NTNG1: variants seen among roughly 807,000 people sequenced by gnomAD.
NTNG1 encodes netrin G1.
In NTNG1, 16 loss-of-function variants were observed where a neutral mutation model predicts 54.0. That is an observed-to-expected ratio of 0.30 (90% CI 0.20 to 0.45). NTNG1 has a LOEUF of 0.45. Among genes scored for constraint, NTNG1 ranks in the 20% least tolerant of loss-of-function variants. NTNG1 has a pLI of 1.00. For synonymous variants in NTNG1, 255 were observed against 263.1 expected (o/e 0.97, Z 0.30); for missense variants, 530 against 678.7 (o/e 0.78, Z 2.43).
chr1:107,392,474 G>A (rs1197225626), intron 3 of NTNG1, among the ~76,000 whole-genome samples: 1 of 152,056 alleles, frequency 6.6e-6, no homozygotes, highest in Non-Finnish European at 1.5e-5. Flanking sequence ...GTAGTCAACA[G>A]GCTGAAGAGG....
chr1:107,296,445 G>A (rs1488773678), intron 2 of NTNG1, among the ~76,000 whole-genome samples: 1 of 151,754 alleles, frequency 6.6e-6, no homozygotes, highest in Admixed American at 6.6e-5. Flanking sequence ...GAAAAAGACA[G>A]TTTTTAATCA....
chr1:107,413,857 C>G (rs1250909836), intron 5 of NTNG1, among the ~76,000 whole-genome samples: 6 of 152,078 alleles, frequency 3.9e-5, no homozygotes, highest in African/African-American at 1.4e-4. Context: ...TCTACCATGA[C>G]ATTAGAATTG....
intron 3 of NTNG1, among the ~76,000 whole-genome samples, chr1:107,347,453 C>T (rs922968329): frequency 2.0e-5 from 3 of 152,012 alleles, no homozygotes; most frequent in South Asian, 2.1e-4. Context: ...TGATTGAGGC[C>T]GCAGTGAGCC....
intron 2 of NTNG1, among the ~76,000 whole-genome samples, chr1:107,311,743 T>A (rs1229948071): frequency 6.6e-6 from 1 of 152,178 alleles, no homozygotes; most frequent in Non-Finnish European, 1.5e-5. Flanking sequence ...TCATTAAAAA[T>A]GTTTGCACAC....
At chr1:107,406,576 T>A (rs1192082951) in intron 4 of NTNG1, among the ~76,000 whole-genome samples, 1 of 152,092 alleles carries the variant, frequency 6.6e-6, no homozygotes, top group Non-Finnish European at 1.5e-5. Flanking sequence ...CTGAGTTCTG[T>A]CTGCTTTCCA....
At chr1:107,157,768 C>T (rs1340120015) in intron 2 of NTNG1, among the ~76,000 whole-genome samples, 1 of 151,750 alleles carries the variant, frequency 6.6e-6, no homozygotes, top group Non-Finnish European at 1.5e-5. Flanking sequence ...TACTTTTTGC[C>T]TCTTGGATTC....
At chr1:107,161,978 T>C (rs1655440902) in intron 2 of NTNG1, among the ~76,000 whole-genome samples, 2 of 152,024 alleles carry the variant, frequency 1.3e-5, no homozygotes, top group South Asian at 4.1e-4. Flanking sequence ...TGTCATTCAA[T>C]GTTATATTTG....
chr1:107,441,129 C>G (rs1259952013), intron 7 of NTNG1, among the ~76,000 whole-genome samples: 1 of 152,098 alleles, frequency 6.6e-6, no homozygotes, highest in Admixed American at 6.6e-5. Context: ...ACATAGGAAG[C>G]AGCATTCCAT....
At chr1:107,308,699 G>A (rs1374725337) in intron 2 of NTNG1, among the ~76,000 whole-genome samples, 1 of 152,138 alleles carries the variant, frequency 6.6e-6, no homozygotes, top group African/African-American at 2.4e-5. Flanking sequence ...TAATGTCACT[G>A]GTAGTTTGAT....
chr1:107,446,926 C>T (rs11803941), intron 7 of NTNG1, among the ~76,000 whole-genome samples: 36,968 of 152,008 alleles, frequency 0.24, 4,610 homozygotes, highest in Middle Eastern at 0.33. Context: ...ATCTGCTCTG[C>T]CTCCGCCTTA....
chr1:107,286,488 G>A (rs888534783), intron 2 of NTNG1, among the ~76,000 whole-genome samples: 11 of 152,090 alleles, frequency 7.2e-5, no homozygotes, highest in South Asian at 2.1e-4. Context: ...ATTAATGAAC[G>A]CCGTGGAGGA....
At chr1:107,233,342 T>A (rs1661191300) in intron 2 of NTNG1, among the ~76,000 whole-genome samples, 1 of 152,194 alleles carries the variant, frequency 6.6e-6, no homozygotes, top group Admixed American at 6.5e-5. Flanking sequence ...AGGATTGTTG[T>A]TTATATGAAG....
At chr1:107,255,096 A>G (rs554320311) in intron 2 of NTNG1, among the ~76,000 whole-genome samples, 56 of 152,350 alleles carry the variant, frequency 3.7e-4, no homozygotes, top group African/African-American at 1.2e-3. Context: ...AGGAAGCATT[A>G]TAACTAATAT....
chr1:107,253,694 G>A lies in NTNG1; in HGVS notation c.247-70588G>A, dbSNP rs547747280. ...GCTGATATTTAGCAGTGTTGCTCCT[G>A]TTTCCTCTTTTATTTTAAACCATTT... is the stretch of plus-strand genomic sequence containing the variant. On this transcript the variant is annotated intron_variant, in intron 2 of 7. Coordinates refer to ENST00000370068, the MANE Select transcript of NTNG1 (RefSeq NM_001113226.3). Among the ~76,000 whole-genome samples, 3 of 152,278 alleles carry A rather than the reference G, an allele frequency of 2.0e-5. No homozygotes were observed. In the East Asian group the frequency reaches 5.8e-4, roughly 29 times the overall value.
chr1:107,406,813 A>G (rs771071843), intron 4 of NTNG1, among the ~76,000 whole-genome samples: 3 of 152,152 alleles, frequency 2.0e-5, no homozygotes, highest in Non-Finnish European at 4.4e-5. Flanking sequence ...TGAGCTACAG[A>G]GGGCATAAGC....
At chr1:107,184,525 G>C (rs1244539220) in intron 2 of NTNG1, among the ~76,000 whole-genome samples, 1 of 152,046 alleles carries the variant, frequency 6.6e-6, no homozygotes, top group Non-Finnish European at 1.5e-5. Flanking sequence ...ATTTTATGGT[G>C]TATCTCTCAT....
intron 2 of NTNG1, among the ~76,000 whole-genome samples, chr1:107,270,554 T>A (rs1183437312): frequency 6.6e-6 from 1 of 152,224 alleles, no homozygotes; most frequent in African/African-American, 2.4e-5. Context: ...GTATTTCTGA[T>A]GTTATTAATG....
chr1:107,248,280 G>A (rs1432671673), intron 2 of NTNG1, among the ~76,000 whole-genome samples: 1 of 152,172 alleles, frequency 6.6e-6, no homozygotes, highest in Non-Finnish European at 1.5e-5. Context: ...TGAGAATGGT[G>A]AGGATTCATT....
intron 7 of NTNG1, among the ~76,000 whole-genome samples, chr1:107,449,133 T>C (rs1676472684): frequency 6.7e-6 from 1 of 148,720 alleles, no homozygotes; most frequent in South Asian, 2.2e-4. Context: ...CTGTACTTGT[T>C]GAAAAACTTT....
Sources: gnomAD v4.1 joint callset for allele counts (sites outside exome capture counted in the v4.1 genomes callset) on GRCh38, gnomAD v4.1.1 for gene constraint, MANE v1.5 for transcripts, NCBI Gene and HGNC (gene_info 2026-07-23, HGNC 2026-07-21) for gene names.